The following SERPINB7 variants were observed in gnomAD, a reference collection of about 807,000 sequenced individuals.
SERPINB7 encodes serpin B7.
Under a neutral mutation model 37.4 loss-of-function variants are expected in SERPINB7, and 31 were observed. That is an observed-to-expected ratio of 0.83 (90% CI 0.62 to 1.12). SERPINB7 has a LOEUF of 1.12. Among genes scored for constraint, SERPINB7 ranks in the 50% most tolerant of loss-of-function variants. The pLI is 0.00. For synonymous variants in SERPINB7, 163 were observed against 166.1 expected (o/e 0.98, Z 0.14); for missense variants, 521 against 455.3 (o/e 1.14, Z -1.31).
At chr18:63,776,267 A>G (rs1477956136) in intron 1 of SERPINB7, among the ~76,000 whole-genome samples, 2 of 152,066 alleles carry the variant, frequency 1.3e-5, no homozygotes, top group African/African-American at 4.8e-5. Flanking sequence ...GAACATCACC[A>G]GAACCTCTAA....
upstream of SERPINB7, among the ~76,000 whole-genome samples, chr18:63,770,482 T>G (rs1427542655): frequency 6.6e-6 from 1 of 151,992 alleles, no homozygotes; most frequent in Non-Finnish European, 1.5e-5. Context: ...TTTTCATATC[T>G]TGACCCCAAC....
intron 1 of SERPINB7, among the ~76,000 whole-genome samples, chr18:63,758,502 T>C (rs1169661945): frequency 2.0e-5 from 3 of 152,202 alleles, no homozygotes; most frequent in Non-Finnish European, 4.4e-5. Flanking sequence ...GTGTAGAAAC[T>C]GGTTCTAAAT....
chr18:63,774,032 C>T (rs2049227434), upstream of SERPINB7, among the ~76,000 whole-genome samples: 1 of 152,068 alleles, frequency 6.6e-6, no homozygotes, highest in African/African-American at 2.4e-5. Context: ...TCAAAATATT[C>T]AGCCTATGAA....
At chr18:63,789,872 C>A (rs982215545) in intron 2 of SERPINB7, among the ~76,000 whole-genome samples, 3 of 152,194 alleles carry the variant, frequency 2.0e-5, no homozygotes, top group Non-Finnish European at 2.9e-5. Flanking sequence ...CATATGCTCA[C>A]AGTGACAGTT....
intron 1 of SERPINB7, among the ~76,000 whole-genome samples, chr18:63,767,341 G>A (rs1047890374): frequency 6.6e-6 from 1 of 152,080 alleles, no homozygotes; most frequent in Non-Finnish European, 1.5e-5. Flanking sequence ...TATTTATTCA[G>A]GATGGGAATA....
intron 1 of SERPINB7, chr18:63,777,654 T>C (rs973994252): frequency 6.6e-6 from 1 of 152,424 alleles, no homozygotes; most frequent in African/African-American, 2.4e-5. Flanking sequence ...TAAATTGCTC[T>C]ATAAAGCATC....
rs1223366986 is a variant in SERPINB7, at chr18:63,783,218, G to GAAAGAA, written c.168+679_168+680insAAGAAA. Among the ~76,000 whole-genome samples the GAAAGAA allele has an allele frequency of 9.7e-4, 69 of 71,160 alleles. 2 individuals are homozygous for GAAAGAA. Among genetic ancestry groups the GAAAGAA allele is most frequent in the African/African-American group, 3.4e-3 (65 of 18,914 alleles). The allele number at this position is 71,160 out of a possible 152,430, so 46.7% of individuals were successfully genotyped here. A position where few individuals can be genotyped will look rare whatever the true frequency, so the allele number is the denominator to read the frequency against. ...AGAGAGAGAGAGAGAGAGAGAGAGA[G>GAAAGAA]AGAGAGAGAGAGAGAGAAAGAAAGA... On this transcript the variant is annotated intron_variant, in intron 2 of 7. Transcript: ENST00000398019.
chr18:63,768,804 G>A (rs117301192), intron 1 of SERPINB7, among the ~76,000 whole-genome samples: 3,510 of 152,034 alleles, frequency 0.023, 60 homozygotes, highest in Non-Finnish European at 0.039. Context: ...TTTGCCATCT[G>A]TCCTCCCTCC....
intron 2 of SERPINB7, among the ~76,000 whole-genome samples, chr18:63,783,242 G>GAA (rs1198904920): frequency 8.5e-6 from 1 of 117,730 alleles, no homozygotes; most frequent in Admixed American, 8.0e-5. Flanking sequence ...GAGAAAGAAA[G>GAA]AAAGAAAGAA....
At chr18:63,775,099 C>T (rs1359833641), upstream of SERPINB7, among the ~76,000 whole-genome samples, 1 of 152,056 alleles carries the variant, frequency 6.6e-6, no homozygotes, top group Non-Finnish European at 1.5e-5. Context: ...GCTATCTTGC[C>T]TTAGTTGATT....
intron 1 of SERPINB7, among the ~76,000 whole-genome samples, chr18:63,757,715 A>G (rs1420893167): frequency 3.3e-5 from 5 of 152,240 alleles, no homozygotes; most frequent in African/African-American, 4.8e-5. Context: ...CTTGCAGAAA[A>G]AGTTGACCAA....
At position 63,776,012 on chromosome 18, in the gene SERPINB7, T is replaced by A. The variant is rs201722668; in HGVS notation, c.-19+296T>A. The stretch of plus-strand genomic sequence containing the variant: ...CAGTCAGTCTTGGACTTATTTTGCA[T>A]CCTATTCTTTACCTCACTGATGCCT... On this transcript the variant is annotated intron_variant, in intron 1 of 7. Transcript: ENST00000398019. Among the ~76,000 whole-genome samples, 11 of 152,168 alleles carry A rather than the reference T, an allele frequency of 7.2e-5. No homozygotes were observed. In the East Asian group the frequency reaches 2.1e-3, roughly 30 times the overall value.
chr18:63,760,886 G>T (rs1361397538), intron 1 of SERPINB7, among the ~76,000 whole-genome samples: 2 of 152,276 alleles, frequency 1.3e-5, no homozygotes, highest in African/African-American at 4.8e-5. Context: ...AAAGTTTGCT[G>T]TAGGAGTGGT....
At chr18:63,784,469 C>A (rs1343487955) in intron 2 of SERPINB7, among the ~76,000 whole-genome samples, 1 of 152,150 alleles carries the variant, frequency 6.6e-6, no homozygotes, top group Non-Finnish European at 1.5e-5. Context: ...AAATATAGCT[C>A]AAAGTACATC....
intron 1 of SERPINB7, among the ~76,000 whole-genome samples, chr18:63,767,586 C>T (rs1444090738): frequency 6.6e-6 from 1 of 152,052 alleles, no homozygotes; most frequent in Admixed American, 6.6e-5. Context: ...ATTGAACCAG[C>T]CTTGCATTAC....
intron 1 of SERPINB7, among the ~76,000 whole-genome samples, chr18:63,755,745 A>T (rs75338245): frequency 6.6e-6 from 1 of 151,970 alleles, no homozygotes. Flanking sequence ...ATTAAAAAAA[A>T]TAGCTAGATA....
intron 1 of SERPINB7, among the ~76,000 whole-genome samples, chr18:63,762,274 A>G (rs1355394547): frequency 6.6e-6 from 1 of 152,240 alleles, no homozygotes; most frequent in Non-Finnish European, 1.5e-5. Context: ...GAAGGATTTC[A>G]AAGGGCAAAT....
At chr18:63,787,608 T>C (rs946398240) in intron 2 of SERPINB7, among the ~76,000 whole-genome samples, 3 of 152,170 alleles carry the variant, frequency 2.0e-5, no homozygotes, top group Non-Finnish European at 4.4e-5. Context: ...TTTTGTTCCA[T>C]GCACATATTC....
rs767313170 is a variant in SERPINB7, at chr18:63,804,433, G to A, written c.941G>A (p.Gly314Asp). 1.2e-6 allele frequency: 2 copies of A among 1,613,710 alleles called. No individual in the cohort carries two copies. The highest frequency in any genetic ancestry group is 1.1e-5 in the South Asian group (1 of 91,066). The change falls in exon 8 of 8, where the codon GGT (glycine) becomes GAT (aspartate). Residue 314 changes from glycine (G) to aspartate (D), a missense_variant. Physicochemically the swap from Gly to Asp is moderately conservative, Grantham distance 94 (BLOSUM62 -1). Coordinates refer to ENST00000398019, the MANE Select transcript of SERPINB7 (RefSeq NM_003784.4). Reference sequence around the variant, plus strand: ...GATCTCTCTGGGATTGCTTCGGGGGGTCGTCTGTATATATCAAGGATGATG... The same window carrying A: ...GATCTCTCTGGGATTGCTTCGGGGGATCGTCTGTATATATCAAGGATGATG... ...KADLSGIASG[G>D]RLYISRMMHK...
Sources: allele counts gnomAD v4.1 joint callset (sites outside exome capture counted in the v4.1 genomes callset), GRCh38; gene constraint gnomAD v4.1.1; transcripts MANE v1.5; gene names NCBI Gene and HGNC (gene_info 2026-07-23, HGNC 2026-07-21).